Variants in TCTN1 observed in about 807,000 individuals in gnomAD.
The protein encoded by TCTN1 is tectonic family member 1.
In TCTN1, 58 loss-of-function variants were observed where a neutral mutation model predicts 65.8. That is an observed-to-expected ratio of 0.88 (90% CI 0.71 to 1.10). The LOEUF (loss-of-function observed/expected upper bound fraction) is 1.10, where lower values mean the gene tolerates loss of function less well. TCTN1 is among the 50% of genes least tolerant of loss of function. The probability of loss-of-function intolerance (pLI) is 0.00; values close to 1 mark genes in which losing one functional copy is unlikely to be tolerated. For synonymous variants in TCTN1, 273 were observed against 289.1 expected, an observed-to-expected ratio of 0.94 and a Z score of 0.57; for missense variants, 645 against 719.4, an observed-to-expected ratio of 0.90 and a Z score of 1.18.
chr12:110,626,087 TTC>T (rs2135972565), intron 2 of TCTN1, among the ~76,000 whole-genome samples: 1 of 151,126 alleles, frequency 6.6e-6, no homozygotes. Context: ...TTTTCTTTCT[TTC>T]TTTCTTTTTT....
intron 3 of TCTN1, among the ~76,000 whole-genome samples, chr12:110,628,383 C>CAGG (rs111555753): frequency 6.6e-5 from 10 of 151,134 alleles, no homozygotes; most frequent in African/African-American, 2.4e-4. Flanking sequence ...CTGTGTCACC[C>CAGG]AGGCTGGAGT....
intron 7 of TCTN1, among the ~76,000 whole-genome samples, chr12:110,638,963 A>G (rs551166369): frequency 1.3e-5 from 2 of 152,324 alleles, no homozygotes; most frequent in African/African-American, 2.4e-5. Context: ...CCCTTCTGCC[A>G]TTCTCGTCAC....
chr12:110,614,137 G>C lies in TCTN1; in HGVS notation c.-46G>C, dbSNP rs538932401. On this transcript the variant is annotated 5_prime_UTR_variant, in exon 1 of 15. Transcript: ENST00000397659. Reference sequence around the variant, plus strand: ...CGCGCCTGGCTGTCGCGGTTGCCGGGCAACGCGCTGTCCATGTCGCGGGCC... The same window carrying C: ...CGCGCCTGGCTGTCGCGGTTGCCGGCCAACGCGCTGTCCATGTCGCGGGCC... The C allele has an allele frequency of 8.7e-4, 1,343 of 1,541,176 alleles. 14 individuals carry two copies. In the African/African-American group the frequency reaches 0.016, roughly 19 times the overall value.
At chr12:110,632,135 A>C (rs1470811109) in intron 4 of TCTN1, among the ~76,000 whole-genome samples, 1 of 152,224 alleles carries the variant, frequency 6.6e-6, no homozygotes, top group Non-Finnish European at 1.5e-5. Context: ...TAAATAATTA[A>C]TGCTAGCGAA....
At chr12:110,642,031 C>G (rs190722273) in intron 10 of TCTN1, 21 of 612,794 alleles carry the variant, frequency 3.4e-5, no homozygotes, top group African/African-American at 3.0e-4. Context: ...TTTAGAATTT[C>G]AAAGGGCCAG....
At chr12:110,615,605 A>G (rs1458372212) in intron 1 of TCTN1, among the ~76,000 whole-genome samples, 3 of 152,012 alleles carry the variant, frequency 2.0e-5, no homozygotes, top group East Asian at 3.9e-4. Context: ...CTCAGCCTCC[A>G]GAGTAGCTGG....
chr12:110,630,770 CAT>C (rs1208487815), intron 4 of TCTN1, among the ~76,000 whole-genome samples: 1 of 152,176 alleles, frequency 6.6e-6, no homozygotes, highest in East Asian at 1.9e-4. Flanking sequence ...AGTGATAAAT[CAT>C]GTGCATCTTC....
intron 12 of TCTN1, chr12:110,645,533 G>A (rs553542778): frequency 3.4e-4 from 102 of 302,052 alleles, no homozygotes; most frequent in African/African-American, 2.1e-3. Context: ...CTCATGACAC[G>A]ATAGACGAAT....
chr12:110,641,951 G>A lies in TCTN1; in HGVS notation c.1191-298G>A, dbSNP rs1270519960. 17 of 549,154 alleles carry A rather than the reference G, an allele frequency of 3.1e-5. No homozygotes were observed. In the Admixed American group the frequency reaches 4.3e-4, roughly 14 times the overall value. 34.0% of individuals were successfully genotyped at this position (549,154 alleles called of 1,614,324 possible). ...ACAACGAAAATCTTAAGAGAGAAAA[G>A]TTGACATTTAAATGTTTTTAATTTC... On this transcript the variant is annotated intron_variant, in intron 10 of 14. Coordinates refer to ENST00000397659, the MANE Select transcript of TCTN1 (RefSeq NM_001082538.3).
chr12:110,616,216 C>T, intron 1 of TCTN1: 1 of 428,540 alleles, frequency 2.3e-6, no homozygotes, highest in Non-Finnish European at 4.6e-6. Flanking sequence ...GCTGTTTTTC[C>T]AGTATAGGGG....
intron 11 of TCTN1, 47 bp downstream of exon 11, chr12:110,642,436 C>A: frequency 6.2e-7 from 1 of 1,613,858 alleles, no homozygotes; most frequent in Non-Finnish European, 8.5e-7. Context: ...GATCAGAAAA[C>A]AAAGCATTCT....
chr12:110,644,924 G>A lies in TCTN1; in HGVS notation c.1332-43G>A, dbSNP rs1177922767. 4.3e-6 allele frequency: 7 copies of A among 1,611,730 alleles called. No homozygotes were observed. The African/African-American group carries it at 6.7e-5, about 15-fold the overall frequency. On this transcript the variant is annotated intron_variant, in intron 11 of 14. Coordinates refer to ENST00000397659, the MANE Select transcript of TCTN1 (RefSeq NM_001082538.3). The surrounding 1 kb of genome is among the most constrained non-coding windows in gnomAD (Gnocchi z 4.6). ...AGAAAATGAAAAACTGCTGGTGGATGAACAACAGCCTCATTCAGTTGACTT... is the reference window on the plus strand; with the variant it reads ...AGAAAATGAAAAACTGCTGGTGGATAAACAACAGCCTCATTCAGTTGACTT...
intron 1 of TCTN1, among the ~76,000 whole-genome samples, chr12:110,619,574 G>T (rs967408322): frequency 2.6e-5 from 4 of 152,158 alleles, no homozygotes; most frequent in African/African-American, 9.7e-5. Context: ...TTCATATTCA[G>T]CTTACGAAAT....
chr12:110,647,930 C>A, intron 14 of TCTN1, 37 bp downstream of exon 14: 1 of 1,611,148 alleles, frequency 6.2e-7, no homozygotes, highest in Non-Finnish European at 8.5e-7. Context: ...CTGAGGTCAT[C>A]CCCTTTGGAA....
intron 3 of TCTN1, among the ~76,000 whole-genome samples, chr12:110,627,157 G>T (rs1371534939): frequency 6.9e-6 from 1 of 145,946 alleles, no homozygotes; most frequent in African/African-American, 2.6e-5. Context: ...GAAAGCAGTG[G>T]CACGTTCTCA....
intron 1 of TCTN1, chr12:110,616,654 T>G (rs2065057182): frequency 6.4e-6 from 1 of 155,092 alleles, no homozygotes; most frequent in African/African-American, 2.4e-5. Flanking sequence ...GCATTTCACC[T>G]ATGATGTATC....
chr12:110,642,761 CT>C (rs879321477), intron 11 of TCTN1, among the ~76,000 whole-genome samples: 332 of 142,254 alleles, frequency 2.3e-3, no homozygotes, highest in Middle Eastern at 3.7e-3. Context: ...CCACATCCGG[CT>C]TTTTTTTTTT....
rs765822202 is a variant in TCTN1, at chr12:110,614,339, C to T, written c.157C>T (p.Pro53Ser). 3.9e-5 allele frequency: 63 copies of T among 1,605,924 alleles called. No homozygotes were observed. Among genetic ancestry groups the T allele is most frequent in the Non-Finnish European group, 5.3e-5 (62 of 1,177,066 alleles). Residue 53 changes from proline to serine, a missense_variant, in exon 1 of 15, where the codon CCC becomes TCC. Coordinates refer to ENST00000397659, the MANE Select transcript of TCTN1 (RefSeq NM_001082538.3). Reference protein sequence around the residue: ...ATFGTFPSTRPPGTPRAPGPS... With the variant: ...ATFGTFPSTRSPGTPRAPGPS... ...CTTCGGAACTTTCCCGTCGACCAGGCCCCCCGGGACTCCCAGGGCTCCAGG... is the reference window on the plus strand; with the variant it reads ...CTTCGGAACTTTCCCGTCGACCAGGTCCCCCGGGACTCCCAGGGCTCCAGG...
intron 7 of TCTN1, among the ~76,000 whole-genome samples, chr12:110,638,049 G>A (rs2066697689): frequency 6.6e-6 from 1 of 152,136 alleles, no homozygotes; most frequent in African/African-American, 2.4e-5. Context: ...GTCCTAGGAG[G>A]TAGGTTCAGT....
Sources: allele counts gnomAD v4.1 joint callset (sites outside exome capture counted in the v4.1 genomes callset), GRCh38; gene constraint gnomAD v4.1.1; non-coding constraint Gnocchi (gnomAD v3.1); transcripts MANE v1.5; gene names NCBI Gene and HGNC (gene_info 2026-07-23, HGNC 2026-07-21).